The following RTKN2 variants were observed in gnomAD, a reference collection of about 807,000 sequenced individuals.
RTKN2 encodes rhotekin 2.
Under a neutral mutation model 71.5 loss-of-function variants are expected in RTKN2, and 69 were observed. The observed-to-expected ratio is 0.96, with a 90% CI of 0.79 to 1.18. The LOEUF is 1.18. Ranked by LOEUF, RTKN2 falls within the 50% of genes most tolerant of loss-of-function variation. RTKN2 has a pLI of 0.00. For synonymous variants in RTKN2, 236 were observed against 236.5 expected (o/e 1.00, Z 0.02); for missense variants, 724 against 719.7 (o/e 1.01, Z -0.07).
At chr10:62,184,694 G>T (rs1456339384) in intron 8 of RTKN2, among the ~76,000 whole-genome samples, 1 of 152,208 alleles carries the variant, frequency 6.6e-6, no homozygotes, top group East Asian at 1.9e-4. Flanking sequence ...CCTCTGAGGA[G>T]CCTTCCTAGT....
intron 9 of RTKN2, among the ~76,000 whole-genome samples, chr10:62,210,599 A>G (rs1278609157): frequency 1.3e-5 from 2 of 152,182 alleles, no homozygotes; most frequent in African/African-American, 4.8e-5. Flanking sequence ...CCTGTTAATC[A>G]GCAATGAAGA....
chr10:62,268,452 CG>C (rs1842905659), intron 1 of RTKN2, 98 bp downstream of exon 1: 4 of 1,115,474 alleles, frequency 3.6e-6, no homozygotes, highest in Admixed American at 4.0e-5. Context: ...AATAGAGGAG[CG>C]GGGGAGAGGC....
rs1270341875 is a variant in RTKN2, at chr10:62,195,610, G to GGAAT, written c.*2297_*2298insATTC. 15 of 126,046 alleles carry GGAAT rather than the reference G, an allele frequency of 1.2e-4. No homozygotes were observed. Among genetic ancestry groups the GGAAT allele is most frequent in the Middle Eastern group, 4.2e-3 (1 of 236 alleles). The allele number at this position is 126,046 out of a possible 1,614,324, so 7.8% of individuals were successfully genotyped here. ...AGGAGAGACGGACAGAGGGAATGAA[G>GGAAT]GAAGGAAGGAAGGAAGGAAGGAAGG... On this transcript the variant is annotated 3_prime_UTR_variant, in exon 12 of 12. Coordinates refer to ENST00000373789, the MANE Select transcript of RTKN2 (RefSeq NM_145307.4).
At chr10:62,241,057 G>A in intron 4 of RTKN2, 85 bp downstream of exon 4, 1 of 692,676 alleles carries the variant, frequency 1.4e-6, no homozygotes, top group African/African-American at 1.8e-5. Flanking sequence ...ATTTATTTCA[G>A]CAAGGAAGCA....
At chr10:62,219,199 G>C (rs1242567655) in intron 7 of RTKN2, among the ~76,000 whole-genome samples, 2 of 151,926 alleles carry the variant, frequency 1.3e-5, no homozygotes, top group African/African-American at 2.4e-5. Flanking sequence ...AATGAGAATG[G>C]TGAGTAGCAG....
chr10:62,214,967 TCTTCA>T (rs369040674), intron 9 of RTKN2: 105 of 740,126 alleles, frequency 1.4e-4, no homozygotes, highest in South Asian at 8.5e-4. Flanking sequence ...TGAGACTATT[TCTTCA>T]CTTGTAAAAG....
chr10:62,232,731 T>TA (rs1257123797), intron 6 of RTKN2, among the ~76,000 whole-genome samples: 26 of 148,490 alleles, frequency 1.8e-4, no homozygotes, highest in East Asian at 5.9e-4. Flanking sequence ...AGCATGAGTT[T>TA]AAAAAAAAAA....
chr10:62,248,574 C>T (rs1842519910), intron 2 of RTKN2, among the ~76,000 whole-genome samples: 1 of 152,058 alleles, frequency 6.6e-6, no homozygotes. Context: ...GGACCTTATC[C>T]ATATGAACCC....
At chr10:62,246,164 A>G in intron 2 of RTKN2, 107 bp from the exon 3 acceptor site, 1 of 660,372 alleles carries the variant, frequency 1.5e-6, no homozygotes, top group South Asian at 2.0e-5. Flanking sequence ...ATATCCGTGA[A>G]TAATAATGAC....
At chr10:62,228,325 T>C (rs1246491323) in intron 6 of RTKN2, among the ~76,000 whole-genome samples, 1 of 152,152 alleles carries the variant, frequency 6.6e-6, no homozygotes, top group African/African-American at 2.4e-5. Flanking sequence ...CATATAAAAA[T>C]AGTATTTCAA....
chr10:62,243,959 C>T (rs1454986932), intron 3 of RTKN2, among the ~76,000 whole-genome samples: 7 of 152,026 alleles, frequency 4.6e-5, no homozygotes, highest in South Asian at 4.1e-4. Flanking sequence ...AATATAATTA[C>T]GGTAAATACT....
At chr10:62,267,065 A>G (rs1842881017) in intron 1 of RTKN2, among the ~76,000 whole-genome samples, 1 of 152,194 alleles carries the variant, frequency 6.6e-6, no homozygotes, top group Non-Finnish European at 1.5e-5. Context: ...CCAAATAAAA[A>G]TTCAGTGTTA....
At chr10:62,214,438 G>A (rs1300842160) in intron 9 of RTKN2, among the ~76,000 whole-genome samples, 1 of 152,080 alleles carries the variant, frequency 6.6e-6, no homozygotes, top group Admixed American at 6.5e-5. Flanking sequence ...TTGCAAGTCT[G>A]CTGACTTCAG....
In RTKN2 at chr10:62,239,766, C is replaced by T. The variant is rs1398130817; in HGVS notation, c.371-1G>A. On this transcript the variant is annotated splice_acceptor_variant, in intron 4 of 11. Transcript: ENST00000373789. LOFTEE classifies it high-confidence loss of function. ...CAAAAAATGGCATAGCGTCGTGATC[C>T]TGGAGGAAAAATAACAACATATTAA... 2.0e-6 allele frequency: 3 copies of T among 1,501,474 alleles called. No individual in the cohort carries two copies. The highest frequency in any genetic ancestry group is 2.8e-6 in the Non-Finnish European group (3 of 1,088,732). 93.0% of individuals were successfully genotyped at this position (1,501,474 alleles called of 1,614,324 possible). A position where few individuals can be genotyped will look rare whatever the true frequency, so the allele number is the denominator to read the frequency against.
At chr10:62,186,796 A>G (rs1411758687) in intron 8 of RTKN2, among the ~76,000 whole-genome samples, 1 of 152,040 alleles carries the variant, frequency 6.6e-6, no homozygotes, top group East Asian at 1.9e-4. Flanking sequence ...AAATCCAACT[A>G]ATTTCATCCT....
downstream of RTKN2, among the ~76,000 whole-genome samples, chr10:62,188,987 A>C (rs1372631345): frequency 6.6e-6 from 1 of 150,654 alleles, no homozygotes; most frequent in Non-Finnish European, 1.5e-5. Flanking sequence ...TGACCTTGTG[A>C]TCCGCCCACG....
chr10:62,242,212 T>G (rs1437095986), intron 3 of RTKN2, among the ~76,000 whole-genome samples: 3 of 152,096 alleles, frequency 2.0e-5, no homozygotes, highest in Admixed American at 6.5e-5. Context: ...GATATATTTC[T>G]TTTTTGAAAA....
At chr10:62,209,971 G>A (rs1841626580) in intron 9 of RTKN2, among the ~76,000 whole-genome samples, 1 of 152,142 alleles carries the variant, frequency 6.6e-6, no homozygotes, top group South Asian at 2.1e-4. Flanking sequence ...ATTCTTTTGG[G>A]TATATACCCA....
At chr10:62,221,577 A>G (rs1381662976) in intron 7 of RTKN2, among the ~76,000 whole-genome samples, 2 of 94,938 alleles carry the variant, frequency 2.1e-5, no homozygotes, top group Non-Finnish European at 4.2e-5. Context: ...AAAAGAAGAA[A>G]ATACACAATT....
Sources: gnomAD v4.1 joint callset for allele counts (sites outside exome capture counted in the v4.1 genomes callset) on GRCh38, gnomAD v4.1.1 for gene constraint, MANE v1.5 for transcripts, NCBI Gene and HGNC (gene_info 2026-07-23, HGNC 2026-07-21) for gene names.